WBP2NL: variants seen among roughly 807,000 people sequenced by gnomAD.
WBP2NL encodes WBP2 N-terminal like, also known as postacrosomal sheath WW domain-binding protein.
WBP2NL carries 27 observed loss-of-function variants against 23.3 expected under a neutral mutation model. The ratio of observed to expected loss-of-function variants is 1.16; its 90% CI spans 0.85 to 1.60. The LOEUF is 1.60. Ranked by LOEUF, WBP2NL falls within the 40% of genes most tolerant of loss-of-function variation. The probability of loss-of-function intolerance (pLI) is 0.00; values close to 1 mark genes in which losing one functional copy is unlikely to be tolerated. For missense variants in WBP2NL, 370 were observed against 389.5 expected (o/e 0.95, Z 0.42); for synonymous variants, 151 against 145.9 (o/e 1.03, Z -0.25).
At chr22:42,005,194 G>A (rs970486127) in intron 1 of WBP2NL, among the ~76,000 whole-genome samples, 14 of 151,476 alleles carry the variant, frequency 9.2e-5, no homozygotes, top group African/African-American at 3.2e-4. Flanking sequence ...TTCAGCCTGG[G>A]TGACAGAGTG....
intron 1 of WBP2NL, among the ~76,000 whole-genome samples, chr22:42,013,528 G>A (rs1348201571): frequency 6.6e-6 from 1 of 152,198 alleles, no homozygotes; most frequent in Non-Finnish European, 1.5e-5. Context: ...ATGCATGTCA[G>A]TGTGGAACTG....
Position 42,028,024 on chromosome 22 carries a change from T to C in WBP2NL, c.*843T>C, listed in dbSNP as rs1924662528. The C allele has an allele frequency of 2.5e-6, 1 of 398,540 alleles. No individual in the cohort carries two copies. The highest frequency in any genetic ancestry group is 3.6e-5 in the East Asian group (1 of 28,038). The allele number at this position is 398,540 out of a possible 1,614,324, so 24.7% of individuals were successfully genotyped here. On this transcript the variant is annotated 3_prime_UTR_variant, in exon 6 of 6. Transcript: ENST00000328823. The stretch of plus-strand genomic sequence containing the variant: ...TTTACAAATATTAAAACTCTTGATA[T>C]GGCACTTTCACATTTTAAAATATGC...
downstream of WBP2NL, among the ~76,000 whole-genome samples, chr22:42,037,844 AGT>A (rs1441153605): frequency 3.6e-5 from 4 of 110,724 alleles, no homozygotes; most frequent in Non-Finnish European, 5.4e-5. Context: ...AGAGAGAGAG[AGT>A]GAGAGTGTGT....
chr22:42,007,241 T>C (rs1922338211), intron 1 of WBP2NL, among the ~76,000 whole-genome samples: 1 of 152,188 alleles, frequency 6.6e-6, no homozygotes. Context: ...TGTTTGTGGT[T>C]TTTTTGGTCA....
At position 42,014,295 on chromosome 22, in the gene WBP2NL, G is replaced by A. The variant is rs375637587; in HGVS notation, c.63-5016G>A. Among the ~76,000 whole-genome samples, 6 of 152,154 alleles carry A rather than the reference G, an allele frequency of 3.9e-5. No homozygotes were observed. In the East Asian group the frequency reaches 1.2e-3, roughly 29 times the overall value. ...GGCTGGAGTGCAGTGGTACAGTCGT[G>A]GCTCACTACAGCCTTGACCTCCCAG... On this transcript the variant is annotated intron_variant, in intron 1 of 5. Transcript: ENST00000328823.
intron 1 of WBP2NL, among the ~76,000 whole-genome samples, chr22:42,008,994 T>C (rs1381862060): frequency 6.6e-6 from 1 of 152,110 alleles, no homozygotes; most frequent in African/African-American, 2.4e-5. Flanking sequence ...TTAGCCAGGA[T>C]GGTCTCGATC....
intron 1 of WBP2NL, among the ~76,000 whole-genome samples, chr22:42,006,465 C>A (rs540581486): frequency 1.2e-3 from 179 of 152,296 alleles, no homozygotes; most frequent in African/African-American, 4.2e-3. Flanking sequence ...GATCGCCTGA[C>A]CTCGTGATCC....
At chr22:42,002,496 AT>A (rs1569444873) in intron 1 of WBP2NL, among the ~76,000 whole-genome samples, 2 of 152,106 alleles carry the variant, frequency 1.3e-5, no homozygotes, top group African/African-American at 4.8e-5. Flanking sequence ...AGGCACGAGA[AT>A]TGCTTGAGCC....
At chr22:42,051,951 A>T (rs191321450) in intron 8 of WBP2NL, among the ~76,000 whole-genome samples, 1 of 152,350 alleles carries the variant, frequency 6.6e-6, no homozygotes, top group African/African-American at 2.4e-5. Flanking sequence ...AAGTAGAAGC[A>T]CAGAGAGATT....
At position 42,027,691 on chromosome 22, in the gene WBP2NL, T is replaced by G. The variant is rs921497260; in HGVS notation, c.*510T>G. The G allele has an allele frequency of 6.2e-6, 2 of 323,192 alleles. No individual in the cohort carries two copies. Among genetic ancestry groups the G allele is most frequent in the Non-Finnish European group, 1.1e-5 (2 of 180,244 alleles). The allele number at this position is 323,192 out of a possible 1,614,324, so 20.0% of individuals were successfully genotyped here. ...ACTATGTCTAGAGGTAGAGAAAGCC[T>G]TCTTTGAGGAGACCAAAACCAACAA... On this transcript the variant is annotated 3_prime_UTR_variant, in exon 6 of 6. Transcript: ENST00000328823.
chr22:42,057,826 C>CATATAT lies in WBP2NL; in HGVS notation c.*274-448_*274-443dup, dbSNP rs3045495. 2.9e-3 allele frequency among the ~76,000 whole-genome samples: 280 copies of CATATAT among 98,150 alleles called. 2 individuals carry two copies. The highest frequency in any genetic ancestry group is 9.5e-3 in the African/African-American group (233 of 24,454). The allele number at this position is 98,150 out of a possible 152,430, so 64.4% of individuals were successfully genotyped here. ...TTAGATAGGAAAATTGTATTAAGGT[C>CATATAT]ATATATATATATATATATATACACA... On this transcript the variant is annotated intron_variant and NMD_transcript_variant, in intron 8 of 8. Coordinates refer to the WBP2NL transcript ENST00000436265.
intron 1 of WBP2NL, among the ~76,000 whole-genome samples, chr22:42,009,575 C>A (rs928730714): frequency 2.0e-5 from 3 of 152,174 alleles, no homozygotes; most frequent in African/African-American, 7.2e-5. Context: ...AATAGATTGT[C>A]TTTTCCTCAC....
chr22:42,053,241 T>C (rs1351731760), intron 8 of WBP2NL, among the ~76,000 whole-genome samples: 6 of 152,230 alleles, frequency 3.9e-5, no homozygotes, highest in African/African-American at 7.2e-5. Context: ...ACGTTTGAGT[T>C]GTTTATACTT....
At chr22:42,025,538 G>A (rs139907819) in intron 5 of WBP2NL, among the ~76,000 whole-genome samples, 92 of 152,282 alleles carry the variant, frequency 6.0e-4, no homozygotes, top group African/African-American at 2.2e-3. Flanking sequence ...TTTACGTGCA[G>A]ATATCCAGTT....
At chr22:42,008,683 C>G (rs1922523739) in intron 1 of WBP2NL, among the ~76,000 whole-genome samples, 1 of 152,124 alleles carries the variant, frequency 6.6e-6, no homozygotes, top group African/African-American at 2.4e-5. Context: ...TCTCAGCTCA[C>G]TGCAACCTCT....
At chr22:42,021,480 T>G (rs1923968740) in intron 4 of WBP2NL, among the ~76,000 whole-genome samples, 6 of 152,160 alleles carry the variant, frequency 3.9e-5, no homozygotes, top group Admixed American at 3.9e-4. Flanking sequence ...AATTTAAGGA[T>G]CTTGAGATGA....
At chr22:42,056,288 T>C (rs1324329006) in intron 8 of WBP2NL, among the ~76,000 whole-genome samples, 4 of 22,540 alleles carry the variant, frequency 1.8e-4, no homozygotes, top group Admixed American at 6.1e-4. Context: ...AAATTTTGCT[T>C]CTTATATAGC....
At chr22:42,022,718 C>A (rs1924088550) in intron 5 of WBP2NL, among the ~76,000 whole-genome samples, 1 of 152,196 alleles carries the variant, frequency 6.6e-6, no homozygotes. Flanking sequence ...ACCCTTCAAC[C>A]TTACTGAGGA....
At chr22:42,020,171 T>C (rs1923754698) in intron 4 of WBP2NL, 75 bp downstream of exon 4, 5 of 1,373,700 alleles carry the variant, frequency 3.6e-6, no homozygotes, top group African/African-American at 1.5e-5. Context: ...GTTGTTGTTG[T>C]TGCTGTTGTT....
Sources: allele counts gnomAD v4.1 joint callset (sites outside exome capture counted in the v4.1 genomes callset), GRCh38; gene constraint gnomAD v4.1.1; transcripts MANE v1.5; gene names NCBI Gene and HGNC (gene_info 2026-07-23, HGNC 2026-07-21).